The following C1QTNF7 variants were observed in gnomAD, a reference collection of about 807,000 sequenced individuals.
The protein encoded by C1QTNF7 is C1q and TNF related 7.
C1QTNF7 carries 15 observed loss-of-function variants against 19.6 expected under a neutral mutation model. The observed-to-expected ratio is 0.76, with a 90% CI of 0.51 to 1.18. C1QTNF7 has a LOEUF of 1.18. C1QTNF7 is among the 50% of genes most tolerant of loss of function. The probability of loss-of-function intolerance (pLI) is 0.00; values close to 1 mark genes in which losing one functional copy is unlikely to be tolerated. For synonymous variants in C1QTNF7, 142 were observed against 137.5 expected (o/e 1.03, Z -0.23); for missense variants, 324 against 359.7 (o/e 0.90, Z 0.80).
At chr4:15,442,051 C>A in intron 2 of C1QTNF7, 117 bp from the exon 3 acceptor site, 3 of 1,095,660 alleles carry the variant, frequency 2.7e-6, no homozygotes, top group Non-Finnish European at 3.9e-6. Context: ...TTTAGTAGTA[C>A]ACTGTTAAAT....
At chr4:15,363,507 G>A (rs766631244) in intron 1 of C1QTNF7, among the ~76,000 whole-genome samples, 2 of 152,042 alleles carry the variant, frequency 1.3e-5, no homozygotes, top group Non-Finnish European at 2.9e-5. Context: ...AAATCTGAAC[G>A]TGTGAAACCA....
intron 1 of C1QTNF7, chr4:15,374,493 G>C (rs1001964701): frequency 1.1e-6 from 1 of 874,806 alleles, no homozygotes; most frequent in Non-Finnish European, 1.4e-6. Context: ...TTGTAATGTC[G>C]ACGTCTTCTT....
intron 1 of C1QTNF7, among the ~76,000 whole-genome samples, chr4:15,383,323 C>T (rs1360297236): frequency 6.6e-6 from 1 of 152,166 alleles, no homozygotes; most frequent in African/African-American, 2.4e-5. Context: ...GAGAAAGCCA[C>T]TTCCCTATGT....
intron 1 of C1QTNF7, among the ~76,000 whole-genome samples, chr4:15,369,766 A>C (rs1166042822): frequency 6.6e-5 from 10 of 152,208 alleles, no homozygotes; most frequent in African/African-American, 2.2e-4. Context: ...AAGTTGTATC[A>C]GTCAGTGATA....
intron 1 of C1QTNF7, among the ~76,000 whole-genome samples, chr4:15,391,722 C>A (rs1422212960): frequency 6.6e-6 from 1 of 152,122 alleles, no homozygotes; most frequent in African/African-American, 2.4e-5. Flanking sequence ...ATAACATATA[C>A]AATTATGCCT....
chr4:15,359,425 T>C (rs546057063), intron 1 of C1QTNF7, among the ~76,000 whole-genome samples: 1 of 152,066 alleles, frequency 6.6e-6, no homozygotes, highest in African/African-American at 2.4e-5. Flanking sequence ...TGGGTACAAA[T>C]AAAAGAGAAG....
intron 1 of C1QTNF7, among the ~76,000 whole-genome samples, chr4:15,343,360 A>G (rs1288841894): frequency 6.6e-6 from 1 of 152,188 alleles, no homozygotes; most frequent in African/African-American, 2.4e-5. Context: ...AATCTCCACC[A>G]GTCACTTCAC....
At chr4:15,356,826 G>C (rs1389579878) in intron 1 of C1QTNF7, among the ~76,000 whole-genome samples, 1 of 151,842 alleles carries the variant, frequency 6.6e-6, no homozygotes, top group Non-Finnish European at 1.5e-5. Flanking sequence ...TTGTGGTTTT[G>C]TATTGCATTT....
chr4:15,396,112 C>A (rs1718770356), intron 1 of C1QTNF7, among the ~76,000 whole-genome samples: 1 of 152,128 alleles, frequency 6.6e-6, no homozygotes, highest in Admixed American at 6.5e-5. Context: ...TGGCTGAGAC[C>A]TTCACAAGGA....
intron 1 of C1QTNF7, among the ~76,000 whole-genome samples, chr4:15,392,525 C>T (rs1045038207): frequency 2.6e-5 from 4 of 152,212 alleles, no homozygotes; most frequent in African/African-American, 4.8e-5. Flanking sequence ...TCCAAGAAGC[C>T]CTGAGGCACA....
chr4:15,422,286 G>T (rs1171811361), intron 1 of C1QTNF7, among the ~76,000 whole-genome samples: 1 of 149,840 alleles, frequency 6.7e-6, no homozygotes, highest in Non-Finnish European at 1.5e-5. Flanking sequence ...GGATTTGGCA[G>T]ATTTTTTATC....
chr4:15,424,367 T>A (rs1711940844), upstream of C1QTNF7, among the ~76,000 whole-genome samples: 1 of 152,220 alleles, frequency 6.6e-6, no homozygotes, highest in Non-Finnish European at 1.5e-5. Flanking sequence ...TGAATTATTC[T>A]TACTTAGTAA....
At position 15,442,434 on chromosome 4, in the gene C1QTNF7, A is replaced by G. The variant is rs758865104; in HGVS notation, c.505A>G (p.Lys169Glu). Residue 169 changes from lysine to glutamate, a missense_variant, in exon 3 of 3, where the codon AAG becomes GAG. Transcript: ENST00000444304. ...AGAAAGACTACCTATTATATTTAACAAGGTCCTCTTCAACGAGGGAGAGCA... is the reference window on the plus strand; with the variant it reads ...AGAAAGACTACCTATTATATTTAACGAGGTCCTCTTCAACGAGGGAGAGCA... ...PEERLPIIFN[K>E]VLFNEGEHYN... is the part of the protein sequence containing the mutation. The G allele has an allele frequency of 6.2e-7, 1 of 1,614,174 alleles. No individual in the cohort carries two copies. The highest frequency in any genetic ancestry group is 8.5e-7 in the Non-Finnish European group (1 of 1,180,016).
At chr4:15,349,901 T>C (rs747112240) in intron 1 of C1QTNF7, among the ~76,000 whole-genome samples, 1 of 152,062 alleles carries the variant, frequency 6.6e-6, no homozygotes, top group Non-Finnish European at 1.5e-5. Flanking sequence ...GTTGAAGCTG[T>C]TGCTAGGGTG....
chr4:15,415,813 C>T (rs10213628), intron 1 of C1QTNF7, among the ~76,000 whole-genome samples: 55,728 of 151,894 alleles, frequency 0.37, 10,429 homozygotes, highest in East Asian at 0.55. Flanking sequence ...TGGTAGCCTC[C>T]TTTTTCCCTT....
chr4:15,371,096 G>A (rs911398918), intron 1 of C1QTNF7, among the ~76,000 whole-genome samples: 1 of 152,212 alleles, frequency 6.6e-6, no homozygotes, highest in Non-Finnish European at 1.5e-5. Context: ...AGAGACTGAG[G>A]CTGTTGGGGT....
At chr4:15,412,081 G>A (rs962122208) in intron 1 of C1QTNF7, among the ~76,000 whole-genome samples, 4 of 152,104 alleles carry the variant, frequency 2.6e-5, no homozygotes, top group African/African-American at 9.7e-5. Context: ...TGTGAACTGT[G>A]TATGAGAGGG....
chr4:15,398,861 A>G (rs1718882434), intron 1 of C1QTNF7, among the ~76,000 whole-genome samples: 2 of 152,208 alleles, frequency 1.3e-5, no homozygotes, highest in African/African-American at 4.8e-5. Context: ...TGAGAAATCA[A>G]GTGCATGACT....
chr4:15,387,821 C>T (rs985423346), intron 1 of C1QTNF7, among the ~76,000 whole-genome samples: 15 of 152,076 alleles, frequency 9.9e-5, no homozygotes, highest in South Asian at 2.1e-4. Context: ...TTTACATACA[C>T]GACTAGATTA....
Sources: allele counts gnomAD v4.1 joint callset (sites outside exome capture counted in the v4.1 genomes callset), GRCh38; gene constraint gnomAD v4.1.1; transcripts MANE v1.5; gene names NCBI Gene and HGNC (gene_info 2026-07-23, HGNC 2026-07-21).